The following KALRN variants were observed in gnomAD, a reference collection of about 807,000 sequenced individuals.
KALRN encodes the protein kalirin.
A neutral mutation model predicts 353.7 loss-of-function variants in KALRN; 70 were observed. The ratio of observed to expected loss-of-function variants is 0.20; its 90% confidence interval spans 0.16 to 0.24. The LOEUF (loss-of-function observed/expected upper bound fraction) is 0.24. KALRN is among the 10% of genes least tolerant of loss of function. The probability of loss-of-function intolerance (pLI) is 1.00; values close to 1 mark genes in which losing one functional copy is unlikely to be tolerated. For missense variants in KALRN, 2,791 were observed against 3,756.7 expected (o/e 0.74, Z 6.72); for synonymous variants, 1,391 against 1,434.8 (o/e 0.97, Z 0.69).
chr3:124,316,955 A>G (rs182221994), intron 6 of KALRN, among the ~76,000 whole-genome samples: 2 of 152,352 alleles, frequency 1.3e-5, no homozygotes, highest in South Asian at 2.1e-4. Flanking sequence ...TTGCGGTTCT[A>G]TGGAGAAAAT....
In KALRN at chr3:124,137,744, C is replaced by G. The variant is rs1311024822; in HGVS notation, c.74-90246C>G. On this transcript the variant is annotated intron_variant, in intron 1 of 59. Coordinates refer to ENST00000682506, the MANE Select transcript of KALRN (RefSeq NM_001388419.1). ...AGGAAGAGGAGGAAAGCTCTCTCTCCTTTTAGAAATGGGACTACTGAGGTC... is the reference window on the plus strand; with the variant it reads ...AGGAAGAGGAGGAAAGCTCTCTCTCGTTTTAGAAATGGGACTACTGAGGTC... Among the ~76,000 whole-genome samples, 6 of 152,088 alleles carry G rather than the reference C, an allele frequency of 3.9e-5. No homozygotes were observed. The South Asian group carries it at 1.2e-3, about 32-fold the overall frequency.
At chr3:124,330,246 T>TCTCTCACACACACA (rs1421313474) in intron 8 of KALRN, among the ~76,000 whole-genome samples, 1 of 134,384 alleles carries the variant, frequency 7.4e-6, no homozygotes, top group African/African-American at 2.7e-5. Context: ...TCTCTCTCTC[T>TCTCTCACACACACA]CACACACACA....
chr3:124,357,166 T>C (rs1249730323), intron 10 of KALRN, among the ~76,000 whole-genome samples: 1 of 152,260 alleles, frequency 6.6e-6, no homozygotes, highest in African/African-American at 2.4e-5. Flanking sequence ...TATTGCAATA[T>C]TGCAAAGTCT....
At chr3:124,076,646 A>G (rs146996955) in intron 1 of KALRN, among the ~76,000 whole-genome samples, 1 of 152,314 alleles carries the variant, frequency 6.6e-6, no homozygotes, top group East Asian at 1.9e-4. Flanking sequence ...CATTTTCTCT[A>G]GAGGTTGTGA....
chr3:124,298,277 C>A (rs1017681353), intron 5 of KALRN, among the ~76,000 whole-genome samples: 29 of 152,170 alleles, frequency 1.9e-4, no homozygotes, highest in African/African-American at 6.5e-4. Flanking sequence ...ATAGCAGAAA[C>A]CCAGGAATTG....
chr3:124,641,930 A>C (rs1181193138), intron 37 of KALRN, among the ~76,000 whole-genome samples: 1 of 152,210 alleles, frequency 6.6e-6, no homozygotes, highest in Non-Finnish European at 1.5e-5. Context: ...TCTAAACTGA[A>C]GTCCTGGAGC....
chr3:124,316,053 G>T (rs932058885), intron 6 of KALRN, among the ~76,000 whole-genome samples: 2 of 152,158 alleles, frequency 1.3e-5, no homozygotes, highest in Admixed American at 1.3e-4. Flanking sequence ...CGGATGAGAA[G>T]GGAGCAGCAC....
intron 1 of KALRN, among the ~76,000 whole-genome samples, chr3:124,048,156 G>A (rs538829354): frequency 6.6e-6 from 1 of 152,110 alleles, no homozygotes; most frequent in African/African-American, 2.4e-5. Flanking sequence ...TAAGCCAATT[G>A]ACCTTTATAT....
chr3:124,506,093 C>T (rs994367025), intron 33 of KALRN, among the ~76,000 whole-genome samples: 1 of 152,180 alleles, frequency 6.6e-6, no homozygotes, highest in African/African-American at 2.4e-5. Context: ...GTTCGAAGAT[C>T]CTCTATGGTG....
chr3:124,410,099 T>A (rs983369935), intron 13 of KALRN: 2 of 444,796 alleles, frequency 4.5e-6, no homozygotes, highest in African/African-American at 2.0e-5. Flanking sequence ...AGGTACAGAA[T>A]CCTGGACATA....
intron 33 of KALRN, among the ~76,000 whole-genome samples, chr3:124,509,995 AAAGCTGATGGAGG>A (rs1297010166): frequency 6.6e-6 from 1 of 152,224 alleles, no homozygotes; most frequent in African/African-American, 2.4e-5. Flanking sequence ...TATGAAAGCA[AAAGCTGATGGAGG>A]AACTAACTCC....
chr3:124,217,152 G>A (rs1400261571), intron 1 of KALRN, among the ~76,000 whole-genome samples: 1 of 152,144 alleles, frequency 6.6e-6, no homozygotes, highest in Admixed American at 6.5e-5. Context: ...ATGTTGGTTA[G>A]TCTGACTCTT....
chr3:124,389,313 G>C (rs2088955245), intron 11 of KALRN, among the ~76,000 whole-genome samples: 1 of 152,030 alleles, frequency 6.6e-6, no homozygotes, highest in South Asian at 2.1e-4. Flanking sequence ...ATTTAACCTA[G>C]ACTTCCTAGG....
rs1373106629 is a variant in KALRN at position 124,719,735 on chromosome 3, G to C, written c.*265G>C. The C allele has an allele frequency of 2.6e-6, 1 of 388,986 alleles. No homozygotes were observed. The highest frequency in any genetic ancestry group is 4.5e-5 in the South Asian group (1 of 22,192). 24.1% of individuals were successfully genotyped at this position (388,986 alleles called of 1,614,324 possible). A position where few individuals can be genotyped will look rare whatever the true frequency, so the allele number is the denominator to read the frequency against. ...GTGTTCAGAAGAAGGGCAAAGATAA[G>C]AACAATATTAGCTGTTACGAAATTT... On this transcript the variant is annotated 3_prime_UTR_variant, in exon 60 of 60. Coordinates refer to ENST00000682506, the MANE Select transcript of KALRN (RefSeq NM_001388419.1). The surrounding 1 kb of genome is among the most constrained non-coding windows in gnomAD (Gnocchi z 5.3).
At chr3:124,343,347 A>G (rs2081964283) in intron 9 of KALRN, among the ~76,000 whole-genome samples, 1 of 151,966 alleles carries the variant, frequency 6.6e-6, no homozygotes, top group South Asian at 2.1e-4. Context: ...TTTTGTAGAG[A>G]CAGAGTTTTG....
chr3:124,506,337 T>G (rs949645842), intron 33 of KALRN, among the ~76,000 whole-genome samples: 13 of 152,326 alleles, frequency 8.5e-5, no homozygotes, highest in Middle Eastern at 3.4e-3. Context: ...CCATGTCCCA[T>G]GCAGATATGG....
intron 11 of KALRN, among the ~76,000 whole-genome samples, chr3:124,386,920 G>A (rs1045171350): frequency 2.0e-5 from 3 of 152,142 alleles, no homozygotes; most frequent in Non-Finnish European, 2.9e-5. Context: ...ATTTTTAAAT[G>A]AGGAGACTAA....
At chr3:124,153,858 C>T (rs1279767675) in intron 1 of KALRN, among the ~76,000 whole-genome samples, 2 of 152,142 alleles carry the variant, frequency 1.3e-5, no homozygotes, top group Admixed American at 6.5e-5. Context: ...TTGCATTTCT[C>T]TGATGGCCAG....
chr3:124,333,921 A>G (rs1413928567), intron 8 of KALRN, among the ~76,000 whole-genome samples: 1 of 152,176 alleles, frequency 6.6e-6, no homozygotes, highest in East Asian at 1.9e-4. Context: ...AAAATTTACC[A>G]AATGCCTACT....
Sources: allele counts gnomAD v4.1 joint callset (sites outside exome capture counted in the v4.1 genomes callset), GRCh38; gene constraint gnomAD v4.1.1; non-coding constraint Gnocchi (gnomAD v3.1); transcripts MANE v1.5; gene names NCBI Gene and HGNC (gene_info 2026-07-23, HGNC 2026-07-21).